The following NHSL1 variants were observed in gnomAD, a reference collection of about 807,000 sequenced individuals.
NHSL1 encodes NHS-like protein 1.
A neutral mutation model predicts 95.0 loss-of-function variants in NHSL1; 48 were observed. That is an observed-to-expected ratio of 0.51 (90% CI 0.40 to 0.64). NHSL1 has a LOEUF of 0.64. Among genes scored for constraint, NHSL1 ranks in the 30% least tolerant of loss-of-function variants. The pLI is 0.00. For synonymous variants in NHSL1, 783 were observed against 833.9 expected (o/e 0.94, Z 1.05); for missense variants, 1,971 against 2,077.7 (o/e 0.95, Z 1.00).
At chr6:138,455,999 A>G (rs1486618730) in intron 3 of NHSL1, among the ~76,000 whole-genome samples, 3 of 152,222 alleles carry the variant, frequency 2.0e-5, no homozygotes, top group Non-Finnish European at 4.4e-5. Flanking sequence ...AATACTTATC[A>G]TCATCATCTG....
upstream of NHSL1, among the ~76,000 whole-genome samples, chr6:138,575,960 C>T (rs1175147514): frequency 6.9e-6 from 1 of 144,646 alleles, no homozygotes; most frequent in Non-Finnish European, 1.5e-5. Flanking sequence ...AAAATCCCTA[C>T]ATTTATTTAT....
chr6:138,502,372 T>C (rs952738029), upstream of NHSL1, among the ~76,000 whole-genome samples: 2 of 152,158 alleles, frequency 1.3e-5, no homozygotes, highest in African/African-American at 4.8e-5. Context: ...AAGAGCCGTA[T>C]TCTTCTGGAA....
At chr6:138,466,913 G>A (rs946744111) in intron 3 of NHSL1, among the ~76,000 whole-genome samples, 2 of 151,844 alleles carry the variant, frequency 1.3e-5, no homozygotes, top group Non-Finnish European at 2.9e-5. Context: ...GTGAAACCCC[G>A]TCTCTACTAA....
intron 4 of NHSL1, among the ~76,000 whole-genome samples, chr6:138,443,022 C>CAT (rs1027850474): frequency 6.0e-5 from 9 of 151,190 alleles, no homozygotes; most frequent in Middle Eastern, 3.4e-3. Flanking sequence ...TTCAAATATA[C>CAT]ATATATATAT....
At chr6:138,567,219 C>T (rs1783654213) in intron 1 of NHSL1, among the ~76,000 whole-genome samples, 1 of 150,388 alleles carries the variant, frequency 6.6e-6, no homozygotes. Flanking sequence ...ACTCGACCTC[C>T]CAGGCTCAAG....
intron 2 of NHSL1, among the ~76,000 whole-genome samples, chr6:138,482,317 G>A (rs1249150199): frequency 2.0e-5 from 3 of 152,050 alleles, no homozygotes; most frequent in African/African-American, 7.2e-5. Flanking sequence ...GTGGTGGCGG[G>A]TGCCTGTAGT....
Position 138,442,119 on chromosome 6 carries a change from T to C in NHSL1, c.533-5A>G, listed in dbSNP as rs1776568996. Reference sequence around the variant, plus strand: ...CCTGGCGATCGAAATTCTCCCCTAATGTAGAGTAGTAGAACAAGCAAAGCA... The same window carrying C: ...CCTGGCGATCGAAATTCTCCCCTAACGTAGAGTAGTAGAACAAGCAAAGCA... On this transcript the variant is annotated splice_polypyrimidine_tract_variant and splice_region_variant and intron_variant, in intron 4 of 7. Coordinates refer to ENST00000343505, the MANE Select transcript of NHSL1 (RefSeq NM_001144060.2). The C allele has an allele frequency of 1.0e-5, 16 of 1,545,582 alleles. No homozygotes were observed. Among genetic ancestry groups the C allele is most frequent in the Non-Finnish European group, 1.4e-5 (16 of 1,144,592 alleles).
intron 2 of NHSL1, among the ~76,000 whole-genome samples, chr6:138,494,407 A>C (rs1198490405): frequency 6.6e-6 from 1 of 152,212 alleles, no homozygotes; most frequent in African/African-American, 2.4e-5. Context: ...TAACTTGGAG[A>C]TCTTGGGAAA....
intron 1 of NHSL1, among the ~76,000 whole-genome samples, chr6:138,587,943 G>A (rs942631015): frequency 1.3e-5 from 2 of 152,272 alleles, no homozygotes; most frequent in Non-Finnish European, 2.9e-5. Context: ...AGGGCTTAGA[G>A]ATAATCCCAT....
chr6:138,529,597 GC>G (rs1782051755), intron 1 of NHSL1, among the ~76,000 whole-genome samples: 1 of 152,212 alleles, frequency 6.6e-6, no homozygotes, highest in Non-Finnish European at 1.5e-5. Context: ...CTGTCGGCCA[GC>G]CTGGGCTTTT....
At chr6:138,591,191 C>G (rs956783012) in intron 1 of NHSL1, among the ~76,000 whole-genome samples, 4 of 152,100 alleles carry the variant, frequency 2.6e-5, no homozygotes, top group African/African-American at 9.7e-5. Context: ...GCTATTGATA[C>G]CAGTTATCAA....
chr6:138,514,259 A>G (rs896826747), intron 1 of NHSL1, among the ~76,000 whole-genome samples: 1 of 152,154 alleles, frequency 6.6e-6, no homozygotes, highest in South Asian at 2.1e-4. Flanking sequence ...AGGGGGTTGC[A>G]GTGAGCCGAG....
chr6:138,584,285 T>C (rs1784101949), intron 1 of NHSL1, among the ~76,000 whole-genome samples: 1 of 150,608 alleles, frequency 6.6e-6, no homozygotes, highest in East Asian at 1.9e-4. Flanking sequence ...TAAAAATTGA[T>C]CTCTATTGCA....
At position 138,432,128 on chromosome 6, in the gene NHSL1, C is replaced by T; in HGVS notation, c.2217G>A (p.Gln739=). 6.5e-7 allele frequency: 1 copy of T among 1,550,156 alleles called. No individual in the cohort carries two copies. The highest frequency in any genetic ancestry group is 2.4e-5 in the East Asian group (1 of 40,874). Residue 739 remains glutamine (Q), a synonymous_variant, in exon 6 of 8, where the codon CAG becomes CAA. Coordinates refer to ENST00000343505, the MANE Select transcript of NHSL1 (RefSeq NM_001144060.2). The surrounding 1 kb of genome is among the most constrained non-coding windows in gnomAD (Gnocchi z 4.4). ...TGCTGCTGCCAGCACTAACTGTGCT[C>T]TGGCTCCGGGAGCGGGGCAGCCAGG... ...EEPWLPRSRS[Q]STVSAGSSMT...
At position 138,431,613 on chromosome 6, in the gene NHSL1, G is replaced by C; in HGVS notation, c.2732C>G (p.Thr911Ser). ...SSTSLSSSTS[T>S]EGSGTMKKLD... ...CTTCTTCATAGTGCCACTTCCTTCA[G>C]TAGAAGTACTAGAAGAAAGAGAAGT... is the stretch of plus-strand genomic sequence containing the variant. Residue 911 changes from threonine (T) to serine (S), a missense_variant, in exon 6 of 8, where the codon ACT becomes AGT. Thr to Ser is a moderately conservative substitution (Grantham distance 58). Coordinates refer to ENST00000343505, the MANE Select transcript of NHSL1 (RefSeq NM_001144060.2). This position sits in a 1 kb window ranked among gnomAD's most constrained non-coding sequence, Gnocchi z 4.0. 1 of 1,551,500 alleles carries C rather than the reference G, an allele frequency of 6.4e-7. No homozygotes were observed. Among genetic ancestry groups the C allele is most frequent in the Non-Finnish European group, 8.7e-7 (1 of 1,146,780 alleles).
At chr6:138,637,156 C>A (rs118112849) in intron 1 of NHSL1, among the ~76,000 whole-genome samples, 6,950 of 151,624 alleles carry the variant, frequency 0.046, 225 homozygotes, top group South Asian at 0.076. Context: ...AAAGGACAGT[C>A]TCTTCAATAA....
chr6:138,631,907 A>G (rs747973605), intron 1 of NHSL1, among the ~76,000 whole-genome samples: 6 of 152,128 alleles, frequency 3.9e-5, no homozygotes, highest in Non-Finnish European at 8.8e-5. Context: ...TAGAGCACCA[A>G]GTGGGCTCTT....
chr6:138,425,798 C>T (rs563306778), intron 7 of NHSL1, among the ~76,000 whole-genome samples: 10 of 152,254 alleles, frequency 6.6e-5, no homozygotes, highest in African/African-American at 2.4e-4. Flanking sequence ...CAGTCTTCCT[C>T]AGCTCTTCCA....
chr6:138,523,966 T>C (rs188224980), intron 1 of NHSL1, among the ~76,000 whole-genome samples: 23 of 152,346 alleles, frequency 1.5e-4, no homozygotes, highest in South Asian at 2.1e-4. Context: ...AATGATCTCA[T>C]TGAACTCACA....
Sources: gnomAD v4.1 joint callset for allele counts (sites outside exome capture counted in the v4.1 genomes callset) on GRCh38, gnomAD v4.1.1 for gene constraint, Gnocchi (gnomAD v3.1) non-coding constraint, MANE v1.5 for transcripts, NCBI Gene and HGNC (gene_info 2026-07-23, HGNC 2026-07-21) for gene names.